The following ZYG11B variants were observed in gnomAD, a reference collection of about 807,000 sequenced individuals.
ZYG11B encodes protein zyg-11 homolog B.
Under a neutral mutation model 82.4 loss-of-function variants are expected in ZYG11B, and 36 were observed. The observed-to-expected ratio is 0.44, with a 90% CI of 0.33 to 0.58. ZYG11B has a LOEUF of 0.58. ZYG11B is among the 20% of genes least tolerant of loss of function. The pLI, the probability that ZYG11B is intolerant of heterozygous loss-of-function variation, is 0.02. For synonymous variants in ZYG11B, 303 were observed against 312.8 expected (o/e 0.97, Z 0.33); for missense variants, 552 against 895.6 (o/e 0.62, Z 4.90).
intron 1 of ZYG11B, among the ~76,000 whole-genome samples, chr1:52,751,870 C>A (rs12081018): frequency 0.49 from 74,365 of 151,642 alleles, 18,689 homozygotes; most frequent in East Asian, 0.62. Context: ...ACACCACTCT[C>A]AATATTTTTG....
chr1:52,746,714 T>TTTTTTG (rs1644480681), intron 1 of ZYG11B, among the ~76,000 whole-genome samples: 45 of 128,564 alleles, frequency 3.5e-4, no homozygotes, highest in East Asian at 2.1e-3. Flanking sequence ...TTTTTTTTTT[T>TTTTTTG]GCGGCTGGAA....
chr1:52,734,366 T>C (rs1009546481), intron 1 of ZYG11B, among the ~76,000 whole-genome samples: 2 of 151,818 alleles, frequency 1.3e-5, no homozygotes, highest in Non-Finnish European at 2.9e-5. Flanking sequence ...GCTTTTTTCA[T>C]AGGTCCTAAA....
chr1:52,822,634 A>C lies in ZYG11B; in HGVS notation c.*1005A>C, dbSNP rs1420327935. 1.3e-5 allele frequency: 2 copies of C among 152,358 alleles called. No individual in the cohort carries two copies. The highest frequency in any genetic ancestry group is 2.4e-5 in the African/African-American group (1 of 41,576). 9.4% of individuals were successfully genotyped at this position (152,358 alleles called of 1,614,324 possible). On this transcript the variant is annotated 3_prime_UTR_variant, in exon 14 of 14. Coordinates refer to ENST00000294353, the MANE Select transcript of ZYG11B (RefSeq NM_024646.3). ...ATAAAAAGTTAAAATCTCTTGTTCAAAATATGTGTATCTTCTTAATGTGTT... is the reference window on the plus strand; with the variant it reads ...ATAAAAAGTTAAAATCTCTTGTTCACAATATGTGTATCTTCTTAATGTGTT...
At chr1:52,819,792 A>AATAATAAT (rs1553264500) in intron 13 of ZYG11B, among the ~76,000 whole-genome samples, 4 of 149,562 alleles carry the variant, frequency 2.7e-5, no homozygotes, top group African/African-American at 9.9e-5. Flanking sequence ...TCTGAAAAAA[A>AATAATAAT]AATAATAATA....
chr1:52,741,078 A>G (rs1644425714), intron 1 of ZYG11B, among the ~76,000 whole-genome samples: 1 of 151,656 alleles, frequency 6.6e-6, no homozygotes, highest in Admixed American at 6.6e-5. Context: ...CGGGTGGATC[A>G]CCTGAGGCCA....
intron 1 of ZYG11B, among the ~76,000 whole-genome samples, chr1:52,745,023 T>G (rs1403370359): frequency 6.6e-6 from 1 of 152,210 alleles, no homozygotes; most frequent in Non-Finnish European, 1.5e-5. Flanking sequence ...CAAAGGATAT[T>G]TTTTCTTATA....
At chr1:52,767,067 AT>A (rs1199063597) in intron 2 of ZYG11B, among the ~76,000 whole-genome samples, 5 of 142,872 alleles carry the variant, frequency 3.5e-5, no homozygotes, top group African/African-American at 2.9e-5. Context: ...TGTTATTTTT[AT>A]TTTTTATGTT....
At chr1:52,793,895 C>CCTTA (rs1644982071) in intron 6 of ZYG11B, among the ~76,000 whole-genome samples, 1 of 143,552 alleles carries the variant, frequency 7.0e-6, no homozygotes, top group Admixed American at 7.0e-5. Flanking sequence ...TTCCTTCCTT[C>CCTTA]CTTCCTTTCT....
chr1:52,771,909 G>T lies in ZYG11B; in HGVS notation c.951+135G>T, dbSNP rs1254018524. On this transcript the variant is annotated intron_variant, in intron 3 of 13. Coordinates refer to ENST00000294353, the MANE Select transcript of ZYG11B (RefSeq NM_024646.3). This position sits in a 1 kb window ranked among gnomAD's most constrained non-coding sequence, Gnocchi z 5.4. ...GCTGCATATAGTTGAAAGGCTTAGA[G>T]TCCTAATTAAAATCTCAGCTTCATG... is the stretch of plus-strand genomic sequence containing the variant. 2 of 1,100,214 alleles carry T rather than the reference G, an allele frequency of 1.8e-6. No individual in the cohort carries two copies. The highest frequency in any genetic ancestry group is 2.6e-6 in the Non-Finnish European group (2 of 778,212). 68.2% of individuals were successfully genotyped at this position (1,100,214 alleles called of 1,614,324 possible).
intron 10 of ZYG11B, among the ~76,000 whole-genome samples, chr1:52,806,552 T>C (rs1397737814): frequency 2.6e-5 from 4 of 152,060 alleles, no homozygotes; most frequent in Non-Finnish European, 4.4e-5. Context: ...TGGACTCTTT[T>C]ACCGTTACCA....
At chr1:52,776,248 A>ATAT (rs1425431576) in intron 3 of ZYG11B, among the ~76,000 whole-genome samples, 4 of 94,780 alleles carry the variant, frequency 4.2e-5, no homozygotes, top group Non-Finnish European at 9.1e-5. Flanking sequence ...ATATATATGC[A>ATAT]ATAAAGTTGG....
At chr1:52,795,166 A>G (rs891845375) in intron 6 of ZYG11B, among the ~76,000 whole-genome samples, 2 of 152,058 alleles carry the variant, frequency 1.3e-5, no homozygotes, top group African/African-American at 4.8e-5. Context: ...GTGTTTTCTA[A>G]TGGTTTAGCA....
intron 1 of ZYG11B, among the ~76,000 whole-genome samples, chr1:52,732,958 AAG>A (rs1242439851): frequency 1.3e-5 from 2 of 152,168 alleles, no homozygotes; most frequent in African/African-American, 4.8e-5. Context: ...CCTGGGCAAA[AAG>A]AGTGAAACTC....
intron 3 of ZYG11B, among the ~76,000 whole-genome samples, chr1:52,775,562 A>C (rs776215811): frequency 1.3e-5 from 2 of 152,136 alleles, no homozygotes; most frequent in East Asian, 3.9e-4. Context: ...ATGGTGGCAC[A>C]TGCCTGTAAT....
rs1558132743 is a variant in ZYG11B, at chr1:52,783,900, GTGTATATA to G, written c.1093-976_1093-969del. ...TGTGTGTATATGTACATACACGTGT[GTGTATATA>G]CATCTATACATATATGTGTATATAC... On this transcript the variant is annotated intron_variant, in intron 4 of 13. Transcript: ENST00000294353. Among the ~76,000 whole-genome samples, 17 of 44,070 alleles carry G rather than the reference GTGTATATA, an allele frequency of 3.9e-4. No homozygotes were observed. The African/African-American group carries it at 4.7e-3, about 12-fold the overall frequency. 28.9% of individuals were successfully genotyped at this position (44,070 alleles called of 152,430 possible).
chr1:52,813,627 T>A lies in ZYG11B; in HGVS notation c.1787T>A (p.Val596Glu). The A allele has an allele frequency of 6.2e-7, 1 of 1,614,092 alleles. No individual in the cohort carries two copies. Among genetic ancestry groups the A allele is most frequent in the Non-Finnish European group, 8.5e-7 (1 of 1,180,000 alleles). Residue 596 changes from valine to glutamate, a missense_variant, in exon 11 of 14, where the codon GTG becomes GAG. By Grantham distance (121) the Val-to-Glu change is moderately radical. This residue lies in a region of ZYG11B where 66 missense variants were observed against 176.4 expected (regional missense o/e 0.37). Transcript: ENST00000294353. The stretch of plus-strand genomic sequence containing the variant: ...AGTAGTCTCCTACACAGTGTGGAAG[T>A]GGAAGTCAGTTACTTTGCAGCTGGA... ...HISSLLHSVEVEVSYFAAGII... is the reference protein window; with the variant it reads ...HISSLLHSVEEEVSYFAAGII...
intron 1 of ZYG11B, among the ~76,000 whole-genome samples, chr1:52,743,334 C>T (rs1200517988): frequency 2.0e-5 from 3 of 146,992 alleles, no homozygotes; most frequent in Non-Finnish European, 4.5e-5. Flanking sequence ...GACCTTCCCT[C>T]CACTATTGTC....
chr1:52,781,569 G>A (rs1173508521), intron 4 of ZYG11B, among the ~76,000 whole-genome samples: 1 of 152,126 alleles, frequency 6.6e-6, no homozygotes, highest in East Asian at 1.9e-4. Context: ...GCTAGATGAG[G>A]CACAGGAATC....
chr1:52,815,330 C>G lies in ZYG11B; in HGVS notation c.1947-1202C>G, dbSNP rs149575468. On this transcript the variant is annotated intron_variant, in intron 12 of 13. Coordinates refer to ENST00000294353, the MANE Select transcript of ZYG11B (RefSeq NM_024646.3). Reference sequence around the variant, plus strand: ...TAGCCTAGGCATCATAGTGAGACCTCATCTCTACTAAAAAATAAAAAAACC... The same window carrying G: ...TAGCCTAGGCATCATAGTGAGACCTGATCTCTACTAAAAAATAAAAAAACC... 2.2e-3 allele frequency among the ~76,000 whole-genome samples: 337 copies of G among 152,096 alleles called. 1 individual carries two copies. Among genetic ancestry groups the G allele is most frequent in the Non-Finnish European group, 2.3e-3 (156 of 67,982 alleles).
Sources: gnomAD v4.1 joint callset for allele counts (sites outside exome capture counted in the v4.1 genomes callset) on GRCh38, gnomAD v4.1.1 for gene constraint, gnomAD v4.1.1 regional missense constraint, Gnocchi (gnomAD v3.1) non-coding constraint, MANE v1.5 for transcripts, NCBI Gene and HGNC (gene_info 2026-07-23, HGNC 2026-07-21) for gene names.